Variants in EXT1 observed in about 807,000 individuals in gnomAD.
EXT1 encodes exostosin-1.
Under a neutral mutation model 82.5 loss-of-function variants are expected in EXT1, and 20 were observed. The observed-to-expected ratio is 0.24, with a 90% CI of 0.17 to 0.35. The LOEUF (loss-of-function observed/expected upper bound fraction) is 0.35, where lower values mean the gene tolerates loss of function less well. EXT1 is among the 10% of genes least tolerant of loss of function. The pLI is 1.00. For synonymous variants in EXT1, 348 were observed against 350.8 expected, an observed-to-expected ratio of 0.99 and a Z score of 0.09; for missense variants, 757 against 936.5, an observed-to-expected ratio of 0.81 and a Z score of 2.50.
At chr8:117,916,837 G>A (rs1385619648) in intron 1 of EXT1, among the ~76,000 whole-genome samples, 1 of 152,074 alleles carries the variant, frequency 6.6e-6, no homozygotes, top group African/African-American at 2.4e-5. Flanking sequence ...AATCCAGAAG[G>A]CAGAGGTTGC....
intron 1 of EXT1, among the ~76,000 whole-genome samples, chr8:118,063,363 T>C (rs1816916299): frequency 6.6e-6 from 1 of 152,220 alleles, no homozygotes; most frequent in Admixed American, 6.5e-5. Context: ...GTACAGACTT[T>C]AACAAGGCTT....
chr8:118,009,820 C>G (rs1815857319), intron 1 of EXT1, among the ~76,000 whole-genome samples: 1 of 152,288 alleles, frequency 6.6e-6, no homozygotes, highest in African/African-American at 2.4e-5. Context: ...ACACCACCCT[C>G]CTGGTCCGTG....
intron 1 of EXT1, among the ~76,000 whole-genome samples, chr8:117,997,255 ATATATATACACACTT>A (rs1815564018): frequency 7.8e-6 from 1 of 128,264 alleles, no homozygotes; most frequent in African/African-American, 2.7e-5. Flanking sequence ...CTATATATAT[ATATATATACACACTT>A]TATATATATA....
rs1817901450 is a variant in EXT1, at chr8:118,111,395, T to C, written c.-349A>G. On this transcript the variant is annotated 5_prime_UTR_variant, in exon 1 of 11. Transcript: ENST00000378204. The stretch of plus-strand genomic sequence containing the variant: ...GAGGGGAGAAAAAAAAAGCTCCCGA[T>C]ACCCAATCAATGGCAAGACGAAGTG... The C allele has an allele frequency of 3.6e-6, 2 of 561,676 alleles. No individual in the cohort carries two copies. The highest frequency in any genetic ancestry group is 1.9e-5 in the African/African-American group (1 of 53,156). The allele number at this position is 561,676 out of a possible 1,614,324, so 34.8% of individuals were successfully genotyped here.
intron 1 of EXT1, among the ~76,000 whole-genome samples, chr8:117,935,791 A>T (rs1300688800): frequency 1.3e-5 from 2 of 152,220 alleles, no homozygotes; most frequent in Non-Finnish European, 2.9e-5. Context: ...AATAGTCTCA[A>T]CACAGACAAT....
intron 1 of EXT1, among the ~76,000 whole-genome samples, chr8:117,944,870 T>C (rs1405167499): frequency 2.0e-5 from 3 of 152,036 alleles, no homozygotes; most frequent in African/African-American, 4.8e-5. Context: ...GCTAAAAAAA[T>C]AGATCATCTC....
At chr8:117,994,533 C>T (rs1438666517) in intron 1 of EXT1, among the ~76,000 whole-genome samples, 1 of 152,110 alleles carries the variant, frequency 6.6e-6, no homozygotes, top group Non-Finnish European at 1.5e-5. Flanking sequence ...ATCACTTGAG[C>T]CTGGGAGGTT....
At chr8:117,819,353 C>G (rs1586996365) in intron 6 of EXT1, among the ~76,000 whole-genome samples, 1 of 152,168 alleles carries the variant, frequency 6.6e-6, no homozygotes, top group African/African-American at 2.4e-5. Context: ...GTTACTTTAT[C>G]ATTTTGACAT....
chr8:117,866,793 CAAAAAAAAAA>C (rs10709657), intron 1 of EXT1, among the ~76,000 whole-genome samples: 1 of 91,848 alleles, frequency 1.1e-5, no homozygotes, highest in African/African-American at 4.3e-5. Context: ...CTGGCCTACC[CAAAAAAAAAA>C]AAAAAAAAAA....
intron 1 of EXT1, among the ~76,000 whole-genome samples, chr8:118,047,855 G>A (rs1816647083): frequency 6.6e-6 from 1 of 152,090 alleles, no homozygotes; most frequent in African/African-American, 2.4e-5. Flanking sequence ...TCTAGTCCAT[G>A]GAGGCACCAC....
chr8:118,002,360 G>T (rs935199060), intron 1 of EXT1, among the ~76,000 whole-genome samples: 2 of 125,096 alleles, frequency 1.6e-5, no homozygotes, highest in African/African-American at 3.2e-5. Flanking sequence ...TAGCCTGGGC[G>T]ACAGACGGCG....
At chr8:118,005,864 C>CAAT (rs1245418977) in intron 1 of EXT1, among the ~76,000 whole-genome samples, 2 of 152,166 alleles carry the variant, frequency 1.3e-5, no homozygotes, top group Admixed American at 6.5e-5. Flanking sequence ...ATTTGGCCAC[C>CAAT]AATACACAGC....
At chr8:117,974,374 G>A (rs1563617877) in intron 1 of EXT1, among the ~76,000 whole-genome samples, 1 of 152,156 alleles carries the variant, frequency 6.6e-6, no homozygotes, top group African/African-American at 2.4e-5. Context: ...CCCTGCTGTA[G>A]TATCTCCTCC....
At chr8:118,074,882 G>A (rs1459373237) in intron 1 of EXT1, among the ~76,000 whole-genome samples, 1 of 152,186 alleles carries the variant, frequency 6.6e-6, no homozygotes, top group Non-Finnish European at 1.5e-5. Flanking sequence ...GGGCAAATTG[G>A]AAGGAATATG....
intron 1 of EXT1, among the ~76,000 whole-genome samples, chr8:117,901,259 G>A (rs1215756827): frequency 6.6e-6 from 1 of 152,206 alleles, no homozygotes; most frequent in Non-Finnish European, 1.5e-5. Context: ...GGTGTAGCCT[G>A]TATCTCCTAG....
chr8:118,006,513 A>C (rs1815777958), intron 1 of EXT1, among the ~76,000 whole-genome samples: 1 of 152,082 alleles, frequency 6.6e-6, no homozygotes, highest in African/African-American at 2.4e-5. Flanking sequence ...ATAATACTCT[A>C]CCTATCTCTA....
chr8:118,052,865 T>C (rs796619720), intron 1 of EXT1, among the ~76,000 whole-genome samples: 30 of 152,304 alleles, frequency 2.0e-4, no homozygotes, highest in African/African-American at 6.7e-4. Context: ...TTCCCCAAGG[T>C]ACATGGCTCC....
In EXT1 at chr8:117,837,181, A is replaced by G; in HGVS notation, c.983T>C (p.Leu328Pro). The G allele has an allele frequency of 6.2e-7, 1 of 1,613,972 alleles. No individual in the cohort carries two copies. Among genetic ancestry groups the G allele is most frequent in the Non-Finnish European group, 8.5e-7 (1 of 1,179,872 alleles). The change falls in exon 2 of 11, where the codon CTG becomes CCG. Residue 328 changes from leucine to proline, a missense_variant. Leu to Pro is a moderately conservative substitution (Grantham distance 98). Transcript: ENST00000378204. ...EYEKYDYREMLHNATFCLVPR... is the reference protein window; with the variant it reads ...EYEKYDYREMPHNATFCLVPR... The stretch of plus-strand genomic sequence containing the variant: ...AACCAGACAGAAAGTGGCATTGTGC[A>G]GCATTTCCCGATAATCATACCTAGA...
At chr8:117,949,290 C>T (rs1315027223) in intron 1 of EXT1, among the ~76,000 whole-genome samples, 1 of 151,978 alleles carries the variant, frequency 6.6e-6, no homozygotes, top group Non-Finnish European at 1.5e-5. Flanking sequence ...AGTTAAATAG[C>T]CTTTAGTTTG....
Sources: allele counts gnomAD v4.1 joint callset (sites outside exome capture counted in the v4.1 genomes callset), GRCh38; gene constraint gnomAD v4.1.1; transcripts MANE v1.5; gene names NCBI Gene and HGNC (gene_info 2026-07-23, HGNC 2026-07-21).